The following PIGU variants were observed in gnomAD, a reference collection of about 807,000 sequenced individuals.
The protein encoded by PIGU is GPI-anchor transamidase component PIGU.
PIGU carries 24 observed loss-of-function variants against 49.9 expected under a neutral mutation model. That is an observed-to-expected ratio of 0.48 (90% CI 0.35 to 0.68). The LOEUF is 0.68. PIGU is among the 30% of genes least tolerant of loss of function. The pLI is 0.01. For synonymous variants in PIGU, 220 were observed against 205.7 expected (o/e 1.07, Z -0.59); for missense variants, 490 against 532.6 (o/e 0.92, Z 0.79).
chr20:34,565,748 C>CGCACACTCACACTGCTCACACAT (rs1568617792), intron 11 of PIGU, among the ~76,000 whole-genome samples: 7 of 151,972 alleles, frequency 4.6e-5, no homozygotes, highest in African/African-American at 1.7e-4. Flanking sequence ...TGCACACACA[C>CGCACACTCACACTGCTCACACAT]GCACACTCAC....
At chr20:34,659,270 C>A (rs1986842353) in intron 1 of PIGU, among the ~76,000 whole-genome samples, 26 of 112,066 alleles carry the variant, frequency 2.3e-4, no homozygotes, top group African/African-American at 7.3e-4. Context: ...CAGCCCCCCG[C>A]CCGGCCAGCC....
At chr20:34,662,240 T>C (rs1396858026) in intron 1 of PIGU, among the ~76,000 whole-genome samples, 1 of 151,930 alleles carries the variant, frequency 6.6e-6, no homozygotes, top group Non-Finnish European at 1.5e-5. Flanking sequence ...GCCTGGCTAA[T>C]TTTTGTATTT....
At chr20:34,638,974 A>C (rs180733579) in intron 4 of PIGU, among the ~76,000 whole-genome samples, 32 of 152,366 alleles carry the variant, frequency 2.1e-4, no homozygotes, top group Non-Finnish European at 1.6e-4. Context: ...ATTAGAAAAC[A>C]GTATTTCAGA....
chr20:34,649,917 C>A (rs1429846533), intron 2 of PIGU, among the ~76,000 whole-genome samples: 1 of 147,154 alleles, frequency 6.8e-6, no homozygotes, highest in Non-Finnish European at 1.5e-5. Flanking sequence ...GGCGCGATCT[C>A]GGCTCACTGC....
chr20:34,579,067 G>A (rs1983352832), intron 10 of PIGU: 2 of 152,176 alleles, frequency 1.3e-5, no homozygotes, highest in Admixed American at 1.3e-4. Context: ...GGGATTTGGG[G>A]ACTTCAAAGG....
chr20:34,599,708 A>G (rs747839822), intron 7 of PIGU, among the ~76,000 whole-genome samples: 13 of 152,222 alleles, frequency 8.5e-5, no homozygotes, highest in African/African-American at 1.2e-4. Context: ...AATTACAGAC[A>G]TCATAACTCC....
intron 4 of PIGU, among the ~76,000 whole-genome samples, chr20:34,643,202 C>G (rs1255083769): frequency 6.6e-6 from 1 of 152,050 alleles, no homozygotes; most frequent in African/African-American, 2.4e-5. Flanking sequence ...AGACCACACA[C>G]CAATAACAGC....
At chr20:34,576,474 G>A (rs888283657) in intron 10 of PIGU, among the ~76,000 whole-genome samples, 1 of 152,046 alleles carries the variant, frequency 6.6e-6, no homozygotes, top group African/African-American at 2.4e-5. Context: ...AGAACCCCTT[G>A]CTTGCCTTTT....
intron 6 of PIGU, among the ~76,000 whole-genome samples, chr20:34,623,331 TTC>T (rs1392612318): frequency 1.3e-5 from 2 of 151,550 alleles, no homozygotes; most frequent in Non-Finnish European, 2.9e-5. Flanking sequence ...GCCAAGTGTG[TTC>T]TTTTAACGGG....
At chr20:34,646,304 A>C (rs1986341580) in intron 2 of PIGU, among the ~76,000 whole-genome samples, 1 of 152,144 alleles carries the variant, frequency 6.6e-6, no homozygotes, top group African/African-American at 2.4e-5. Flanking sequence ...ATTTCATCTA[A>C]ATTTTCAAGC....
At chr20:34,590,619 AAC>A (rs1303237091) in intron 7 of PIGU, among the ~76,000 whole-genome samples, 4 of 151,976 alleles carry the variant, frequency 2.6e-5, no homozygotes, top group Non-Finnish European at 2.9e-5. Flanking sequence ...AACATAACAT[AAC>A]ATAACATAAC....
intron 6 of PIGU, among the ~76,000 whole-genome samples, chr20:34,626,370 T>G (rs569161154): frequency 4.6e-5 from 7 of 151,548 alleles, no homozygotes; most frequent in African/African-American, 1.7e-4. Context: ...TGGCGTGATC[T>G]CGGCTCACTG....
At chr20:34,640,441 C>A in intron 4 of PIGU, among the ~76,000 whole-genome samples, 1 of 151,800 alleles carries the variant, frequency 6.6e-6, no homozygotes, top group Admixed American at 6.6e-5. Flanking sequence ...CAGCTAGAGA[C>A]AGGAAAGTGG....
At chr20:34,647,451 G>A (rs987063184) in intron 2 of PIGU, among the ~76,000 whole-genome samples, 20 of 150,576 alleles carry the variant, frequency 1.3e-4, no homozygotes, top group African/African-American at 4.9e-4. Context: ...TAGTACAGAC[G>A]GGGTTTCACC....
intron 6 of PIGU, among the ~76,000 whole-genome samples, chr20:34,620,809 C>CAAAAAAAAAAAAAAA (rs71194628): frequency 1.6e-5 from 2 of 127,630 alleles, no homozygotes; most frequent in Non-Finnish European, 3.2e-5. Flanking sequence ...TAAAAAAAAA[C>CAAAAAAAAAAAAAAA]AAAAAAAAAA....
Position 34,615,359 on chromosome 20 carries a change from T to C in PIGU, c.627+683A>G, listed in dbSNP as rs886780580. ...ATGCACATACTCCATTTAAGTCCTA[T>C]AAGAATCTTACAAGGTGAGTGTTAT... is the stretch of plus-strand genomic sequence containing the variant. On this transcript the variant is annotated intron_variant, in intron 7 of 11. Coordinates refer to ENST00000217446, the MANE Select transcript of PIGU (RefSeq NM_080476.5). Among the ~76,000 whole-genome samples the C allele has an allele frequency of 2.0e-5, 3 of 152,218 alleles. No homozygotes were observed. The South Asian group carries it at 6.2e-4, about 31-fold the overall frequency.
At chr20:34,577,705 G>A (rs1983294101) in intron 10 of PIGU, among the ~76,000 whole-genome samples, 1 of 152,158 alleles carries the variant, frequency 6.6e-6, no homozygotes, top group Admixed American at 6.5e-5. Flanking sequence ...AACAGAGCAA[G>A]ACTCTGTCTC....
intron 1 of PIGU, among the ~76,000 whole-genome samples, chr20:34,670,287 TC>T (rs1370695992): frequency 5.3e-5 from 8 of 151,474 alleles, no homozygotes; most frequent in Non-Finnish European, 1.0e-4. Flanking sequence ...CCTCCTGAGT[TC>T]AAGTGATTCT....
intron 4 of PIGU, among the ~76,000 whole-genome samples, chr20:34,642,652 CATATATATATATAT>C (rs10639203): frequency 2.3e-5 from 3 of 131,434 alleles, no homozygotes; most frequent in African/African-American, 5.6e-5. Flanking sequence ...ATATATATCT[CATATATATATATAT>C]ATATATATAT....
Sources: gnomAD v4.1 joint callset for allele counts (sites outside exome capture counted in the v4.1 genomes callset) on GRCh38, gnomAD v4.1.1 for gene constraint, MANE v1.5 for transcripts, NCBI Gene and HGNC (gene_info 2026-07-23, HGNC 2026-07-21) for gene names.